ELOVL7: variants seen among roughly 807,000 people sequenced by gnomAD.
ELOVL7 encodes the protein ELOVL fatty acid elongase 7.
In ELOVL7, 27 loss-of-function variants were observed where a neutral mutation model predicts 35.7. That is an observed-to-expected ratio of 0.76 (90% CI 0.56 to 1.04). The LOEUF (loss-of-function observed/expected upper bound fraction) is 1.04. ELOVL7 is among the 50% of genes least tolerant of loss of function. The probability of loss-of-function intolerance (pLI) is 0.00; values close to 1 mark genes in which losing one functional copy is unlikely to be tolerated. For synonymous variants in ELOVL7, 113 were observed against 114.6 expected (o/e 0.99, Z 0.09); for missense variants, 327 against 340.8 (o/e 0.96, Z 0.32).
At chr5:60,760,723 G>A (rs1378871803) in intron 7 of ELOVL7, among the ~76,000 whole-genome samples, 1 of 152,166 alleles carries the variant, frequency 6.6e-6, no homozygotes, top group African/African-American at 2.4e-5. Context: ...CCATGCCTAT[G>A]TCCTGAATGG....
intron 1 of ELOVL7, among the ~76,000 whole-genome samples, chr5:60,835,147 G>A (rs1746714701): frequency 6.8e-6 from 1 of 146,244 alleles, no homozygotes; most frequent in Non-Finnish European, 1.5e-5. Flanking sequence ...CTGAGAGCAA[G>A]CCACTGCACT....
At chr5:60,787,556 C>A in intron 2 of ELOVL7, 125 bp from the exon 3 acceptor site, 1 of 540,438 alleles carries the variant, frequency 1.9e-6, no homozygotes, top group Admixed American at 4.0e-5. Flanking sequence ...AACAAACTCC[C>A]ACTGAAGGCA....
At chr5:60,811,448 CTAAT>C (rs1331343642) in intron 1 of ELOVL7, among the ~76,000 whole-genome samples, 20 of 151,696 alleles carry the variant, frequency 1.3e-4, no homozygotes, top group Non-Finnish European at 4.4e-5. Context: ...TTTTGTTAGA[CTAAT>C]AAATAATGAC....
chr5:60,805,166 C>T (rs542183787), intron 1 of ELOVL7, among the ~76,000 whole-genome samples: 56 of 152,154 alleles, frequency 3.7e-4, no homozygotes, highest in Admixed American at 1.8e-3. Context: ...AAAGGAGAGG[C>T]CTGCACTGCA....
chr5:60,780,276 C>T (rs28846426), intron 3 of ELOVL7, among the ~76,000 whole-genome samples: 5 of 152,234 alleles, frequency 3.3e-5, no homozygotes, highest in East Asian at 1.9e-4. Flanking sequence ...TGCGCCACCA[C>T]GCCCAGTTAA....
intron 1 of ELOVL7, among the ~76,000 whole-genome samples, chr5:60,828,499 T>C (rs577424490): frequency 6.6e-6 from 1 of 152,270 alleles, no homozygotes; most frequent in East Asian, 1.9e-4. Context: ...TTTAGAAAAA[T>C]ATATTAACTG....
intron 2 of ELOVL7, among the ~76,000 whole-genome samples, chr5:60,790,563 T>C (rs1169305219): frequency 6.6e-6 from 1 of 152,224 alleles, no homozygotes; most frequent in African/African-American, 2.4e-5. Context: ...ACACCCAGTC[T>C]TCTCAGCTGA....
At chr5:60,759,749 T>C (rs1741771881) in intron 7 of ELOVL7, among the ~76,000 whole-genome samples, 1 of 152,068 alleles carries the variant, frequency 6.6e-6, no homozygotes, top group African/African-American at 2.4e-5. Flanking sequence ...TAACTTGTCA[T>C]TTAGCATTAG....
intron 3 of ELOVL7, among the ~76,000 whole-genome samples, chr5:60,784,519 A>AT (rs1196140121): frequency 6.6e-6 from 1 of 152,140 alleles, no homozygotes; most frequent in African/African-American, 2.4e-5. Flanking sequence ...TAGCTGTGGA[A>AT]TTTTTCCACA....
intron 1 of ELOVL7, among the ~76,000 whole-genome samples, chr5:60,842,257 T>C (rs1747217396): frequency 6.6e-6 from 1 of 151,810 alleles, no homozygotes; most frequent in Non-Finnish European, 1.5e-5. Flanking sequence ...AGAAGATATT[T>C]AACGAATGGG....
At chr5:60,786,718 G>A (rs4700390) in intron 3 of ELOVL7, among the ~76,000 whole-genome samples, 30,259 of 151,776 alleles carry the variant, frequency 0.2, 5,273 homozygotes, top group African/African-American at 0.47. Flanking sequence ...AGGCCAAGGC[G>A]GGCGGATCAC....
intron 5 of ELOVL7, 30 bp from the exon 6 acceptor site, chr5:60,766,660 T>C (rs1373644630): frequency 1.3e-6 from 2 of 1,588,294 alleles, no homozygotes; most frequent in East Asian, 4.5e-5. Flanking sequence ...TCTAAATTTA[T>C]TTTGTATATG....
intron 3 of ELOVL7, among the ~76,000 whole-genome samples, chr5:60,777,671 G>A (rs1335781346): frequency 6.6e-6 from 1 of 152,158 alleles, no homozygotes; most frequent in Non-Finnish European, 1.5e-5. Context: ...GGTACAGTAA[G>A]GAGAGTAAGT....
At chr5:60,833,757 T>A (rs1019481090) in intron 1 of ELOVL7, among the ~76,000 whole-genome samples, 3 of 152,168 alleles carry the variant, frequency 2.0e-5, no homozygotes, top group Admixed American at 2.0e-4. Flanking sequence ...TCCTTGCTTA[T>A]AACATGGGAA....
At chr5:60,762,790 T>C (rs1433656548) in intron 7 of ELOVL7, among the ~76,000 whole-genome samples, 2 of 152,230 alleles carry the variant, frequency 1.3e-5, no homozygotes, top group African/African-American at 2.4e-5. Context: ...TAAATCTTTG[T>C]GTATAGGATC....
At chr5:60,837,872 G>A (rs1055797922) in intron 1 of ELOVL7, among the ~76,000 whole-genome samples, 3 of 152,150 alleles carry the variant, frequency 2.0e-5, no homozygotes, top group African/African-American at 7.2e-5. Flanking sequence ...AACACGGGAG[G>A]TTGCAGTAAG....
intron 1 of ELOVL7, among the ~76,000 whole-genome samples, chr5:60,805,518 T>A (rs998130727): frequency 1.3e-5 from 2 of 152,198 alleles, no homozygotes; most frequent in Non-Finnish European, 2.9e-5. Flanking sequence ...CTGAGAAATG[T>A]CTTAATCAAT....
chr5:60,755,632 G>A (rs1185328565), intron 8 of ELOVL7, among the ~76,000 whole-genome samples: 2 of 152,122 alleles, frequency 1.3e-5, no homozygotes, highest in Non-Finnish European at 2.9e-5. Flanking sequence ...ACTCTAGCCT[G>A]GGTGACAGAG....
intron 3 of ELOVL7, among the ~76,000 whole-genome samples, chr5:60,782,502 T>A (rs1743316791): frequency 6.6e-6 from 1 of 152,222 alleles, no homozygotes; most frequent in Non-Finnish European, 1.5e-5. Flanking sequence ...TCAACCTAAG[T>A]GTCCATCAAT....
Sources: gnomAD v4.1 joint callset for allele counts (sites outside exome capture counted in the v4.1 genomes callset) on GRCh38, gnomAD v4.1.1 for gene constraint, MANE v1.5 for transcripts, NCBI Gene and HGNC (gene_info 2026-07-23, HGNC 2026-07-21) for gene names.